RNF138: variants seen among roughly 807,000 people sequenced by gnomAD.
RNF138 encodes the protein E3 ubiquitin-protein ligase RNF138.
RNF138 carries 12 observed loss-of-function variants against 31.0 expected under a neutral mutation model. That is an observed-to-expected ratio of 0.39 (90% CI 0.25 to 0.63). The LOEUF is 0.63. Among genes scored for constraint, RNF138 ranks in the 20% least tolerant of loss-of-function variants. The pLI is 0.52. For missense variants in RNF138, 192 were observed against 300.1 expected (o/e 0.64, Z 2.66); for synonymous variants, 105 against 99.5 (o/e 1.06, Z -0.33).
intron 2 of RNF138, among the ~76,000 whole-genome samples, chr18:32,100,392 C>T (rs1435121587): frequency 6.6e-6 from 1 of 150,850 alleles, no homozygotes; most frequent in African/African-American, 2.4e-5. Context: ...CTTGACCTCT[C>T]TGGGCTCAAG....
rs1370549593 is a variant in RNF138, at chr18:32,106,228, G to A, written c.111-5526G>A. On this transcript the variant is annotated intron_variant, in intron 2 of 7. Transcript: ENST00000261593. ...TAGTAGTCTGGCGACAAGGTTGCAC[G>A]AGTGGTCTATTCCAACCATTTTTTT... 2.6e-5 allele frequency among the ~76,000 whole-genome samples: 4 copies of A among 152,302 alleles called. No individual in the cohort carries two copies. The East Asian group carries it at 5.8e-4, about 22-fold the overall frequency.
At chr18:32,122,137 G>C (rs2040316341) in intron 4 of RNF138, among the ~76,000 whole-genome samples, 1 of 152,116 alleles carries the variant, frequency 6.6e-6, no homozygotes, top group African/African-American at 2.4e-5. Context: ...AAAGTGCTGG[G>C]ATTACAGGTG....
intron 1 of RNF138, 170 bp from the exon 2 acceptor site, chr18:32,092,530 G>T: frequency 2.0e-6 from 1 of 491,866 alleles, no homozygotes; most frequent in Non-Finnish European, 3.6e-6. Flanking sequence ...GCCAAGCACC[G>T]TCCCCCATCC....
Position 32,124,807 on chromosome 18 carries a change from C to A in RNF138, c.523C>A (p.His175Asn). ...SNFTRQRLLD[H>N]CNSNHLFQIV... is the part of the protein sequence containing the mutation. ...TTTTACCAGACAGCGTTTACTGGATCACTGTAACAGTAATCACCTATTTCA... is the reference window on the plus strand; with the variant it reads ...TTTTACCAGACAGCGTTTACTGGATAACTGTAACAGTAATCACCTATTTCA... Residue 175 changes from histidine to asparagine, a missense_variant, in exon 6 of 8, where the codon CAC becomes AAC. Physicochemically the swap from His to Asn is moderately conservative, Grantham distance 68 (BLOSUM62 1). Coordinates refer to ENST00000261593, the MANE Select transcript of RNF138 (RefSeq NM_016271.5). 1 of 1,595,584 alleles carries A rather than the reference C, an allele frequency of 6.3e-7. No individual in the cohort carries two copies. The highest frequency in any genetic ancestry group is 8.6e-7 in the Non-Finnish European group (1 of 1,163,228).
chr18:32,100,532 A>G (rs927615176), intron 2 of RNF138, among the ~76,000 whole-genome samples: 3 of 142,170 alleles, frequency 2.1e-5, no homozygotes, highest in South Asian at 2.2e-4. Flanking sequence ...CTGGAGTGCA[A>G]TGGCGCGATC....
At chr18:32,114,190 C>G (rs1276049812) in intron 4 of RNF138, among the ~76,000 whole-genome samples, 6 of 152,080 alleles carry the variant, frequency 3.9e-5, no homozygotes, top group Non-Finnish European at 5.9e-5. Context: ...ATAGAAAATC[C>G]TTTTCAGTAA....
chr18:32,116,911 T>A (rs111505733), intron 4 of RNF138, among the ~76,000 whole-genome samples: 4,378 of 151,658 alleles, frequency 0.029, 219 homozygotes, highest in African/African-American at 0.1. Flanking sequence ...ATTTTTAATT[T>A]ATTTATTTGT....
intron 2 of RNF138, among the ~76,000 whole-genome samples, chr18:32,099,661 C>T (rs2039883778): frequency 6.6e-6 from 1 of 152,220 alleles, no homozygotes; most frequent in African/African-American, 2.4e-5. Context: ...CCGCCTCGGC[C>T]TCCCAAAGTG....
At position 32,092,020 on chromosome 18, in the gene RNF138, G is replaced by A. The variant is rs2039697736; in HGVS notation, c.-293G>A. 6.6e-6 allele frequency: 1 copy of A among 152,604 alleles called. No individual in the cohort carries two copies. The highest frequency in any genetic ancestry group is 6.5e-5 in the Admixed American group (1 of 15,290). The allele number at this position is 152,604 out of a possible 1,614,324, so 9.5% of individuals were successfully genotyped here. ...GCGCAATGCCAAGACAGAGCTGCTG[G>A]CGGCGGCGGGCGAATCTCCCTGCAC... On this transcript the variant is annotated 5_prime_UTR_variant, in exon 1 of 8. It introduces an in-frame stop codon into an upstream open reading frame of the 5' UTR. Coordinates refer to ENST00000261593, the MANE Select transcript of RNF138 (RefSeq NM_016271.5).
At chr18:32,119,046 C>CT (rs1426781702) in intron 4 of RNF138, among the ~76,000 whole-genome samples, 5 of 152,074 alleles carry the variant, frequency 3.3e-5, no homozygotes, top group Non-Finnish European at 7.4e-5. Context: ...ACTTTAAAAG[C>CT]TGAGCTTTTC....
intron 4 of RNF138, among the ~76,000 whole-genome samples, chr18:32,122,247 G>T (rs1449970835): frequency 2.6e-5 from 4 of 152,150 alleles, no homozygotes; most frequent in Non-Finnish European, 4.4e-5. Flanking sequence ...CTTCACAGAA[G>T]TGAACTGAGT....
chr18:32,113,317 C>G (rs1278474429), intron 3 of RNF138, among the ~76,000 whole-genome samples: 1 of 152,120 alleles, frequency 6.6e-6, no homozygotes, highest in Non-Finnish European at 1.5e-5. Flanking sequence ...CCCAGCCTCC[C>G]AAAAGGCTGG....
At chr18:32,118,334 G>C (rs1001646844) in intron 4 of RNF138, among the ~76,000 whole-genome samples, 4 of 151,808 alleles carry the variant, frequency 2.6e-5, no homozygotes, top group Non-Finnish European at 5.9e-5. Flanking sequence ...AGGAGTTCAA[G>C]ACCAGCCTGG....
At chr18:32,128,758 TGCCTCA>T (rs1251385706) in intron 7 of RNF138, among the ~76,000 whole-genome samples, 2 of 152,312 alleles carry the variant, frequency 1.3e-5, no homozygotes, top group East Asian at 3.9e-4. Context: ...AACTGTCTTC[TGCCTCA>T]GCCTCCTGAA....
At chr18:32,103,686 G>T (rs929885976) in intron 2 of RNF138, among the ~76,000 whole-genome samples, 1 of 152,088 alleles carries the variant, frequency 6.6e-6, no homozygotes, top group East Asian at 1.9e-4. Context: ...TTCATGGGCC[G>T]GGTGTGGTGG....
chr18:32,120,475 A>AT (rs1385806062), intron 4 of RNF138, among the ~76,000 whole-genome samples: 1 of 152,186 alleles, frequency 6.6e-6, no homozygotes, highest in African/African-American at 2.4e-5. Flanking sequence ...TGGGAAAATA[A>AT]TTTTTTGTTT....
At position 32,101,363 on chromosome 18, in the gene RNF138, C is replaced by T. The variant is rs1197936085; in HGVS notation, c.110+8477C>T. ...TCTTCTGAGTAGCTGGGATTACAGG[C>T]GTGCACCACCACTCCTGGCTAATTT... On this transcript the variant is annotated intron_variant, in intron 2 of 7. Coordinates refer to ENST00000261593, the MANE Select transcript of RNF138 (RefSeq NM_016271.5). Among the ~76,000 whole-genome samples, 4 of 151,738 alleles carry T rather than the reference C, an allele frequency of 2.6e-5. No individual in the cohort carries two copies. The East Asian group carries it at 5.8e-4, about 22-fold the overall frequency.
chr18:32,104,121 C>T (rs974707526), intron 2 of RNF138, among the ~76,000 whole-genome samples: 1 of 148,970 alleles, frequency 6.7e-6, no homozygotes, highest in Admixed American at 6.8e-5. Flanking sequence ...TCAAGCAATT[C>T]TAGTGACTTA....
chr18:32,123,618 ATT>A (rs2040340236), intron 5 of RNF138, 44 bp downstream of exon 5: 1 of 1,191,986 alleles, frequency 8.4e-7, no homozygotes, highest in African/African-American at 1.6e-5. Context: ...GTAATATTAT[ATT>A]TATCACTTAT....
Sources: allele counts gnomAD v4.1 joint callset (sites outside exome capture counted in the v4.1 genomes callset), GRCh38; gene constraint gnomAD v4.1.1; transcripts MANE v1.5; gene names NCBI Gene and HGNC (gene_info 2026-07-23, HGNC 2026-07-21).